Variants in DMXL2 observed in about 807,000 individuals in gnomAD.
DMXL2 encodes dmX-like protein 2.
Under a neutral mutation model 331.1 loss-of-function variants are expected in DMXL2, and 103 were observed. That is an observed-to-expected ratio of 0.31 (90% confidence interval 0.27 to 0.37). The LOEUF (loss-of-function observed/expected upper bound fraction) is 0.37. Ranked by LOEUF, DMXL2 falls within the 10% of genes least tolerant of loss-of-function variation. The pLI, the probability that DMXL2 is intolerant of heterozygous loss-of-function variation, is 1.00. For synonymous variants in DMXL2, 1,281 were observed against 1,252.1 expected, an observed-to-expected ratio of 1.02 and a Z score of -0.49; for missense variants, 3,171 against 3,642.9, an observed-to-expected ratio of 0.87 and a Z score of 3.33.
intron 10 of DMXL2, 70 bp downstream of exon 10, chr15:51,538,143 A>G: frequency 6.5e-7 from 1 of 1,527,100 alleles, no homozygotes. Context: ...GGAAGAATTC[A>G]AAACTAAAAG....
intron 18 of DMXL2, among the ~76,000 whole-genome samples, chr15:51,496,334 G>C (rs1355417048): frequency 6.6e-6 from 1 of 152,228 alleles, no homozygotes; most frequent in Non-Finnish European, 1.5e-5. Flanking sequence ...AGGACTGAGA[G>C]ATAGGGAATG....
At chr15:51,555,137 G>A (rs12909901) in intron 6 of DMXL2, among the ~76,000 whole-genome samples, 1,983 of 152,284 alleles carry the variant, frequency 0.013, 29 homozygotes, top group Non-Finnish European at 0.021. Context: ...CAGCCTAGGC[G>A]ACAGTGAGAG....
intron 13 of DMXL2, among the ~76,000 whole-genome samples, chr15:51,524,624 A>G (rs1173413331): frequency 6.6e-6 from 1 of 152,178 alleles, no homozygotes; most frequent in Admixed American, 6.5e-5. Flanking sequence ...AACTGTGAGC[A>G]CTGAAGTCAG....
intron 36 of DMXL2, 75 bp downstream of exon 36, chr15:51,458,431 T>G: frequency 6.7e-7 from 1 of 1,496,312 alleles, no homozygotes; most frequent in Non-Finnish European, 9.1e-7. Context: ...TTTGAAATAA[T>G]TCAAATCATG....
At chr15:51,502,405 C>G (rs1431718026) in intron 17 of DMXL2, among the ~76,000 whole-genome samples, 1 of 151,480 alleles carries the variant, frequency 6.6e-6, no homozygotes. Context: ...TCACTGCCGC[C>G]TCCACCTCTC....
intron 13 of DMXL2, among the ~76,000 whole-genome samples, chr15:51,524,796 A>G (rs1199699246): frequency 6.6e-6 from 1 of 152,110 alleles, no homozygotes; most frequent in African/African-American, 2.4e-5. Flanking sequence ...GGGGCCTTAA[A>G]TAAACTTGAA....
intron 13 of DMXL2, among the ~76,000 whole-genome samples, chr15:51,523,096 A>T (rs1302573822): frequency 6.6e-6 from 1 of 152,228 alleles, no homozygotes; most frequent in Non-Finnish European, 1.5e-5. Flanking sequence ...TTTACTTGTC[A>T]TCTACTAAAA....
chr15:51,495,260 C>T (rs2043092504), intron 18 of DMXL2, 126 bp from the exon 19 acceptor site: 2 of 522,656 alleles, frequency 3.8e-6, no homozygotes, highest in South Asian at 6.6e-5. Context: ...TAGTGTATTC[C>T]TTCCTGAACA....
rs1303719511 is a variant in DMXL2, at chr15:51,545,678, A to G, written c.835T>C (p.Leu279=). The G allele has an allele frequency of 1.2e-6, 2 of 1,613,742 alleles. No individual in the cohort carries two copies. Among genetic ancestry groups the G allele is most frequent in the South Asian group, 2.2e-5 (2 of 91,062 alleles). The change falls in exon 8 of 44, where the codon TTG becomes CTG. Residue 279 remains leucine, a synonymous_variant. Coordinates refer to ENST00000560891, the MANE Select transcript of DMXL2 (RefSeq NM_001378457.1). ...AETLLPEDCL[L]GEQICETTTS... ...GTAGTCTCACAAATCTGCTCACCCA[A>G]AAGACAGTCTTCTGGTAATAAAGTT...
chr15:51,471,313 A>G lies in DMXL2; in HGVS notation c.7302T>C (p.Ala2434=), dbSNP rs764627662. The change falls in exon 29 of 44, where the codon GCT becomes GCC. Residue 2434 remains alanine, a synonymous_variant. Coordinates refer to ENST00000560891, the MANE Select transcript of DMXL2 (RefSeq NM_001378457.1). ...TTTCTGCAGGCACCGGTGGTGGGGT[A>G]GCATCTTTTACAGGCCTTCCAGGGA... ...MLVPGRPVKD[A]TPPPVPAERP... is the part of the protein sequence containing the mutation. 1 of 1,614,088 alleles carries G rather than the reference A, an allele frequency of 6.2e-7. No individual in the cohort carries two copies.
intron 9 of DMXL2, among the ~76,000 whole-genome samples, chr15:51,541,173 A>G (rs916061497): frequency 1.9e-4 from 29 of 152,186 alleles, no homozygotes; most frequent in African/African-American, 7.0e-4. Context: ...AAAGGATAAT[A>G]TAAGCAAAAC....
At chr15:51,572,007 T>C (rs2050700815) in intron 2 of DMXL2, among the ~76,000 whole-genome samples, 2 of 152,074 alleles carry the variant, frequency 1.3e-5, no homozygotes, top group South Asian at 2.1e-4. Flanking sequence ...AACTGGTTTT[T>C]TGAAAAGATT....
chr15:51,505,177 C>T (rs1427811311), intron 16 of DMXL2, among the ~76,000 whole-genome samples: 2 of 152,224 alleles, frequency 1.3e-5, no homozygotes, highest in African/African-American at 4.8e-5. Context: ...GCAGTAAATT[C>T]AAGCGTTAAA....
chr15:51,503,821 C>T (rs74736882), intron 16 of DMXL2, among the ~76,000 whole-genome samples: 1,803 of 152,112 alleles, frequency 0.012, 36 homozygotes, highest in African/African-American at 0.041. Flanking sequence ...ATCACATGTA[C>T]GCCATAAATA....
intron 6 of DMXL2, among the ~76,000 whole-genome samples, chr15:51,553,065 T>C (rs967627262): frequency 1.3e-5 from 2 of 152,202 alleles, no homozygotes; most frequent in African/African-American, 2.4e-5. Flanking sequence ...CAGCAAAGCT[T>C]TCTCTATAGA....
At position 51,499,100 on chromosome 15, in the gene DMXL2, A is replaced by G; in HGVS notation, c.4124T>C (p.Ile1375Thr). The change falls in exon 18 of 44, where the codon ATT becomes ACT. Residue 1375 changes from isoleucine to threonine, a missense_variant. Around this residue, in one of 7 missense-constraint regions of DMXL2, gnomAD observed 1,674 missense variants for 1,780.2 expected, o/e 0.94. Transcript: ENST00000560891. Reference sequence around the variant, plus strand: ...TCTAACTATTGCTACTTCACCTGCAATACATTTTACTAAATGAGAGAGAAT... The same window carrying G: ...TCTAACTATTGCTACTTCACCTGCAGTACATTTTACTAAATGAGAGAGAAT... ...KAILSHLVKC[I>T]AGEVAIVRDP... 6.2e-7 allele frequency: 1 copy of G among 1,614,084 alleles called. No homozygotes were observed. The highest frequency in any genetic ancestry group is 8.5e-7 in the Non-Finnish European group (1 of 1,180,020).
intron 6 of DMXL2, among the ~76,000 whole-genome samples, chr15:51,557,036 T>C (rs537461739): frequency 6.8e-6 from 1 of 147,722 alleles, no homozygotes; most frequent in Non-Finnish European, 1.5e-5. Context: ...CTAGAGGTCC[T>C]AGACACTGCA....
chr15:51,507,477 T>G (rs1253925520), intron 15 of DMXL2, among the ~76,000 whole-genome samples: 1 of 152,148 alleles, frequency 6.6e-6, no homozygotes, highest in East Asian at 1.9e-4. Flanking sequence ...CATGAAAGGA[T>G]ACCTACTAGT....
chr15:51,456,366 T>A lies in DMXL2; in HGVS notation c.8341A>T (p.Met2781Leu), dbSNP rs753979216. The A allele has an allele frequency of 7.0e-6, 11 of 1,579,160 alleles. No individual in the cohort carries two copies. Among genetic ancestry groups the A allele is most frequent in the Non-Finnish European group, 8.6e-6 (10 of 1,164,524 alleles). Reference sequence around the variant, plus strand: ...TTAACATTATGTAGATTCCTTTTCATAAGCTTTAAAAGAAAATTTTAAAAA... The same window carrying A: ...TTAACATTATGTAGATTCCTTTTCAAAAGCTTTAAAAGAAAATTTTAAAAA... Reference protein sequence around the residue: ...GQTSTGASVLMKRNLHNVKRM... With the variant: ...GQTSTGASVLLKRNLHNVKRM... The change falls in exon 38 of 44, where the codon ATG becomes TTG. Residue 2781 changes from methionine (M) to leucine (L), a missense_variant. By Grantham distance (15) the Met-to-Leu change is conservative (BLOSUM62 2). This residue lies in a region of DMXL2 where 766 missense variants were observed against 940.5 expected (regional missense o/e 0.81). Transcript: ENST00000560891.
Sources: gnomAD v4.1 joint callset for allele counts (sites outside exome capture counted in the v4.1 genomes callset) on GRCh38, gnomAD v4.1.1 for gene constraint, gnomAD v4.1.1 regional missense constraint, MANE v1.5 for transcripts, NCBI Gene and HGNC (gene_info 2026-07-23, HGNC 2026-07-21) for gene names.